RTN1: variants seen among roughly 807,000 people sequenced by gnomAD.
RTN1 encodes the protein reticulon 1, also known as reticulon-1.
In RTN1, 25 loss-of-function variants were observed where a neutral mutation model predicts 65.5. That is an observed-to-expected ratio of 0.38 (90% confidence interval 0.28 to 0.53). The LOEUF is 0.53. Among genes scored for constraint, RTN1 ranks in the 20% least tolerant of loss-of-function variants. The pLI, the probability that RTN1 is intolerant of heterozygous loss-of-function variation, is 0.79. For missense variants in RTN1, 983 were observed against 1,025.4 expected, an observed-to-expected ratio of 0.96 and a Z score of 0.57; for synonymous variants, 471 against 447.6, an observed-to-expected ratio of 1.05 and a Z score of -0.66.
chr14:59,650,374 A>G (rs1015784445), intron 3 of RTN1, among the ~76,000 whole-genome samples: 5 of 152,246 alleles, frequency 3.3e-5, no homozygotes, highest in Non-Finnish European at 7.3e-5. Flanking sequence ...TATGTAACAA[A>G]CCTGCACATT....
chr14:59,687,259 T>C (rs1027958663), intron 3 of RTN1, among the ~76,000 whole-genome samples: 7 of 152,104 alleles, frequency 4.6e-5, no homozygotes, highest in African/African-American at 1.7e-4. Flanking sequence ...TCTGCTTGCC[T>C]GCGCCAGCAG....
intron 3 of RTN1, among the ~76,000 whole-genome samples, chr14:59,645,835 G>A (rs1321542807): frequency 1.3e-5 from 2 of 152,196 alleles, no homozygotes; most frequent in African/African-American, 4.8e-5. Flanking sequence ...AGGCAGCCCA[G>A]CAGTTAAGAG....
intron 3 of RTN1, among the ~76,000 whole-genome samples, chr14:59,641,871 T>G (rs1259858627): frequency 6.6e-6 from 1 of 152,220 alleles, no homozygotes; most frequent in African/African-American, 2.4e-5. Context: ...TATATAACAG[T>G]TTTTTGTTGT....
At chr14:59,775,888 C>A (rs990119969) in intron 1 of RTN1, among the ~76,000 whole-genome samples, 1 of 152,106 alleles carries the variant, frequency 6.6e-6, no homozygotes, top group Non-Finnish European at 1.5e-5. Context: ...CATTTGAAGT[C>A]TAAACTGTTC....
intron 2 of RTN1, among the ~76,000 whole-genome samples, chr14:59,743,448 A>T: frequency 6.6e-6 from 1 of 152,288 alleles, no homozygotes; most frequent in African/African-American, 2.4e-5. Context: ...ATTAACTTAC[A>T]TCTTCAGAAC....
intron 3 of RTN1, among the ~76,000 whole-genome samples, chr14:59,721,469 A>G (rs1884646049): frequency 6.6e-6 from 1 of 152,262 alleles, no homozygotes; most frequent in South Asian, 2.1e-4. Flanking sequence ...TGTTTACAAT[A>G]GAAATTCTCA....
intron 1 of RTN1, among the ~76,000 whole-genome samples, chr14:59,858,757 G>A (rs1294931404): frequency 6.6e-6 from 1 of 152,172 alleles, no homozygotes; most frequent in East Asian, 1.9e-4. Flanking sequence ...TACAGATAGT[G>A]AGGCAGAGAA....
At chr14:59,765,744 C>T (rs550420040) in intron 1 of RTN1, among the ~76,000 whole-genome samples, 1 of 151,126 alleles carries the variant, frequency 6.6e-6, no homozygotes, top group Non-Finnish European at 1.5e-5. Context: ...GTCAATAATT[C>T]AGTATAAGTA....
chr14:59,833,772 G>C (rs2139644462), intron 1 of RTN1, among the ~76,000 whole-genome samples: 1 of 152,248 alleles, frequency 6.6e-6, no homozygotes, highest in Non-Finnish European at 1.5e-5. Context: ...TCTAGTAAAT[G>C]ATATGGCAAT....
At chr14:59,678,847 C>T (rs1339894333) in intron 3 of RTN1, among the ~76,000 whole-genome samples, 1 of 152,190 alleles carries the variant, frequency 6.6e-6, no homozygotes, top group Non-Finnish European at 1.5e-5. Flanking sequence ...CTTCCTGGGC[C>T]TCACCCCAGG....
intron 3 of RTN1, among the ~76,000 whole-genome samples, chr14:59,641,338 T>C (rs1882776436): frequency 6.6e-6 from 1 of 152,130 alleles, no homozygotes; most frequent in African/African-American, 2.4e-5. Flanking sequence ...TAATAGCTTA[T>C]AGTTTTATCT....
At chr14:59,781,528 A>C (rs76545365) in intron 1 of RTN1, among the ~76,000 whole-genome samples, 1,904 of 152,160 alleles carry the variant, frequency 0.013, 37 homozygotes, top group African/African-American at 0.043. Flanking sequence ...TTTCTACTCA[A>C]TGTTACTCCA....
chr14:59,749,228 CTATATATATCTATATA>C, intron 1 of RTN1, among the ~76,000 whole-genome samples: 1 of 38,682 alleles, frequency 2.6e-5, no homozygotes, highest in Non-Finnish European at 4.1e-5. Flanking sequence ...ATCTATATAT[CTATATATATCTATATA>C]TATCTATATA....
intron 1 of RTN1, among the ~76,000 whole-genome samples, chr14:59,776,776 T>C (rs1330627055): frequency 6.6e-6 from 1 of 152,076 alleles, no homozygotes. Flanking sequence ...GAAAAATTTA[T>C]TTCAGGAGGA....
At chr14:59,798,901 A>C (rs1292657368) in intron 1 of RTN1, among the ~76,000 whole-genome samples, 1 of 152,198 alleles carries the variant, frequency 6.6e-6, no homozygotes, top group Non-Finnish European at 1.5e-5. Context: ...GTGACTTAAA[A>C]AGTGACTCAA....
At chr14:59,833,419 T>C (rs1253172752) in intron 1 of RTN1, among the ~76,000 whole-genome samples, 2 of 152,210 alleles carry the variant, frequency 1.3e-5, no homozygotes, top group African/African-American at 4.8e-5. Flanking sequence ...TCATGGTGAT[T>C]GACAAATATT....
chr14:59,633,821 C>G (rs937397590), intron 3 of RTN1, among the ~76,000 whole-genome samples: 1 of 152,216 alleles, frequency 6.6e-6, no homozygotes, highest in South Asian at 2.1e-4. Flanking sequence ...TTTGTAATCT[C>G]ATCCCAGGTC....
intron 1 of RTN1, among the ~76,000 whole-genome samples, chr14:59,751,620 CAT>C (rs1885524553): frequency 6.6e-6 from 1 of 152,152 alleles, no homozygotes; most frequent in Non-Finnish European, 1.5e-5. Context: ...CTGGAGAAGA[CAT>C]AGCAGGTGGT....
At chr14:59,808,742 C>T (rs1886679029) in intron 1 of RTN1, among the ~76,000 whole-genome samples, 1 of 152,160 alleles carries the variant, frequency 6.6e-6, no homozygotes, top group Non-Finnish European at 1.5e-5. Flanking sequence ...GCAGCATCTT[C>T]ATGATGCTGT....
Sources: allele counts gnomAD v4.1 joint callset (sites outside exome capture counted in the v4.1 genomes callset), GRCh38; gene constraint gnomAD v4.1.1; transcripts MANE v1.5; gene names NCBI Gene and HGNC (gene_info 2026-07-23, HGNC 2026-07-21).